Variants in SUCLG2 observed in about 807,000 individuals in gnomAD.
The protein encoded by SUCLG2 is succinate--CoA ligase [GDP-forming] subunit beta, mitochondrial.
Under a neutral mutation model 47.9 loss-of-function variants are expected in SUCLG2, and 42 were observed. The ratio of observed to expected loss-of-function variants is 0.88; its 90% CI spans 0.69 to 1.14. The LOEUF (loss-of-function observed/expected upper bound fraction) is 1.14. Among genes scored for constraint, SUCLG2 ranks in the 50% most tolerant of loss-of-function variants. The pLI is 0.00. For missense variants in SUCLG2, 571 were observed against 525.9 expected (o/e 1.09, Z -0.84); for synonymous variants, 195 against 197.3 (o/e 0.99, Z 0.10).
intron 2 of SUCLG2, among the ~76,000 whole-genome samples, chr3:67,559,262 C>A (rs369376472): frequency 1.3e-5 from 2 of 152,220 alleles, no homozygotes; most frequent in East Asian, 3.9e-4. Flanking sequence ...AAGAAAACTA[C>A]CTGTATTAGT....
At chr3:67,620,100 A>C (rs1700706725) in intron 1 of SUCLG2, among the ~76,000 whole-genome samples, 1 of 152,168 alleles carries the variant, frequency 6.6e-6, no homozygotes, top group East Asian at 1.9e-4. Context: ...TCATTCATTT[A>C]ACAATTTTCC....
At chr3:67,596,839 A>G (rs1350835634) in intron 2 of SUCLG2, among the ~76,000 whole-genome samples, 1 of 152,208 alleles carries the variant, frequency 6.6e-6, no homozygotes, top group African/African-American at 2.4e-5. Flanking sequence ...GCTACTGTCT[A>G]ATACTGAGCA....
intron 6 of SUCLG2, among the ~76,000 whole-genome samples, chr3:67,517,670 T>C (rs192907466): frequency 9.0e-4 from 137 of 152,350 alleles, no homozygotes; most frequent in Non-Finnish European, 1.6e-3. Flanking sequence ...ATTACAAAAT[T>C]GGCATATTTT....
chr3:67,648,747 G>C (rs1026046517), intron 1 of SUCLG2, among the ~76,000 whole-genome samples: 13 of 152,124 alleles, frequency 8.5e-5, no homozygotes, highest in African/African-American at 3.1e-4. Flanking sequence ...GATTTCTATA[G>C]CCCCTTCCTT....
intron 9 of SUCLG2, among the ~76,000 whole-genome samples, chr3:67,438,550 G>C (rs1202868752): frequency 1.3e-5 from 2 of 151,886 alleles, no homozygotes; most frequent in Non-Finnish European, 2.9e-5. Flanking sequence ...AATGATAAAA[G>C]GGAGATCATC....
intron 9 of SUCLG2, among the ~76,000 whole-genome samples, chr3:67,431,804 G>A (rs965887834): frequency 6.6e-6 from 1 of 152,012 alleles, no homozygotes; most frequent in African/African-American, 2.4e-5. Flanking sequence ...GAGTTAATGG[G>A]TGCAGCAAGC....
chr3:67,609,624 A>T (rs1017725809), intron 1 of SUCLG2, 28 bp from the exon 2 acceptor site: 7 of 1,605,400 alleles, frequency 4.4e-6, no homozygotes, highest in Non-Finnish European at 6.0e-6. Flanking sequence ...GAGAGGTAAG[A>T]ACATTCATTA....
intron 3 of SUCLG2, 21 bp from the exon 4 acceptor site, chr3:67,528,243 G>A: frequency 1.9e-6 from 3 of 1,601,004 alleles, no homozygotes; most frequent in Non-Finnish European, 2.6e-6. Context: ...GAGAAAACAA[G>A]CAGAAAATGA....
chr3:67,488,666 C>T (rs1056981558), intron 9 of SUCLG2, among the ~76,000 whole-genome samples: 1 of 152,192 alleles, frequency 6.6e-6, no homozygotes, highest in East Asian at 1.9e-4. Flanking sequence ...TATTCCCGAC[C>T]ATTATTGATT....
At chr3:67,491,507 G>C (rs529140900) in intron 9 of SUCLG2, among the ~76,000 whole-genome samples, 1 of 152,088 alleles carries the variant, frequency 6.6e-6, no homozygotes, top group African/African-American at 2.4e-5. Flanking sequence ...TGGAATTATA[G>C]GTGCCTGCAA....
At chr3:67,419,271 C>T (rs1384102156) in intron 9 of SUCLG2, among the ~76,000 whole-genome samples, 1 of 152,134 alleles carries the variant, frequency 6.6e-6, no homozygotes, top group Non-Finnish European at 1.5e-5. Flanking sequence ...TTATCACACC[C>T]CACTTAGAAC....
intron 9 of SUCLG2, among the ~76,000 whole-genome samples, chr3:67,478,178 C>T (rs888086806): frequency 1.2e-4 from 19 of 152,230 alleles, no homozygotes; most frequent in African/African-American, 4.1e-4. Flanking sequence ...GCCACTTAAC[C>T]GCCCCTTCCA....
chr3:67,393,457 C>T lies in SUCLG2; in HGVS notation c.1183+7274G>A, dbSNP rs962902015. On this transcript the variant is annotated intron_variant, in intron 10 of 10. Coordinates refer to ENST00000307227, the MANE Select transcript of SUCLG2 (RefSeq NM_003848.4). Reference sequence around the variant, plus strand: ...CTGAGATCAAACTGCAAGGCGGCAGCGAGGCTGGGGGAGGGGTGCCTGCCA... The same window carrying T: ...CTGAGATCAAACTGCAAGGCGGCAGTGAGGCTGGGGGAGGGGTGCCTGCCA... Among the ~76,000 whole-genome samples the T allele has an allele frequency of 1.1e-4, 17 of 152,082 alleles. No homozygotes were observed. In the East Asian group the frequency reaches 1.4e-3, roughly 12 times the overall value.
chr3:67,393,102 C>T (rs111371743), intron 10 of SUCLG2, among the ~76,000 whole-genome samples: 10,957 of 152,244 alleles, frequency 0.072, 399 homozygotes, highest in Middle Eastern at 0.14. Context: ...ACGCAGAAGA[C>T]GGGTGATTTC....
chr3:67,468,075 T>C (rs1387146636), intron 9 of SUCLG2, among the ~76,000 whole-genome samples: 1 of 152,100 alleles, frequency 6.6e-6, no homozygotes, highest in Non-Finnish European at 1.5e-5. Context: ...TCAAATTCTG[T>C]ATGATGTGTG....
chr3:67,495,652 A>C, intron 9 of SUCLG2, 146 bp downstream of exon 9: 2 of 209,678 alleles, frequency 9.5e-6, no homozygotes, highest in Non-Finnish European at 1.2e-5. Flanking sequence ...ACTCCGTCTC[A>C]AAAAAAAAAA....
intron 2 of SUCLG2, among the ~76,000 whole-genome samples, chr3:67,563,612 C>T (rs1049951045): frequency 2.0e-5 from 3 of 152,124 alleles, no homozygotes; most frequent in Admixed American, 6.5e-5. Flanking sequence ...GAATGGGGCT[C>T]ACTTAACTTC....
intron 6 of SUCLG2, among the ~76,000 whole-genome samples, chr3:67,516,196 C>T (rs546715317): frequency 2.0e-5 from 3 of 152,074 alleles, no homozygotes; most frequent in Admixed American, 2.0e-4. Flanking sequence ...AAGAAAAAAA[C>T]AAATTAAAAC....
intron 10 of SUCLG2, among the ~76,000 whole-genome samples, chr3:67,382,842 GA>G: frequency 6.6e-6 from 1 of 152,108 alleles, no homozygotes; most frequent in East Asian, 1.9e-4. Context: ...TGGGAGAGGG[GA>G]ATTCAGTGGA....
Sources: gnomAD v4.1 joint callset for allele counts (sites outside exome capture counted in the v4.1 genomes callset) on GRCh38, gnomAD v4.1.1 for gene constraint, MANE v1.5 for transcripts, NCBI Gene and HGNC (gene_info 2026-07-23, HGNC 2026-07-21) for gene names.